The following BLMH variants were observed in gnomAD, a reference collection of about 807,000 sequenced individuals.
BLMH encodes the protein bleomycin hydrolase, also known as BLM hydrolase.
BLMH carries 32 observed loss-of-function variants against 61.6 expected under a neutral mutation model. The ratio of observed to expected loss-of-function variants is 0.52; its 90% CI spans 0.39 to 0.70. The LOEUF (loss-of-function observed/expected upper bound fraction) is 0.70. Among genes scored for constraint, BLMH ranks in the 30% least tolerant of loss-of-function variants. The pLI, the probability that BLMH is intolerant of heterozygous loss-of-function variation, is 0.00. For missense variants in BLMH, 460 were observed against 555.5 expected, an observed-to-expected ratio of 0.83 and a Z score of 1.73; for synonymous variants, 183 against 193.8, an observed-to-expected ratio of 0.94 and a Z score of 0.46.
At chr17:30,260,504 C>T (rs1402138344) in intron 11 of BLMH, among the ~76,000 whole-genome samples, 1 of 152,170 alleles carries the variant, frequency 6.6e-6, no homozygotes, top group African/African-American at 2.4e-5. Context: ...AGAGTATGTG[C>T]TTCCTCTATT....
intron 2 of BLMH, chr17:30,290,860 A>G (rs1053244260): frequency 1.2e-5 from 2 of 160,064 alleles, no homozygotes; most frequent in African/African-American, 2.4e-5. Context: ...TGTAACCAAG[A>G]AGCATATTTA....
intron 11 of BLMH, among the ~76,000 whole-genome samples, chr17:30,260,365 G>A (rs1174809698): frequency 1.3e-5 from 2 of 152,190 alleles, no homozygotes; most frequent in African/African-American, 4.8e-5. Context: ...CATTCAATAT[G>A]AGGAGATTTC....
chr17:30,286,424 T>C (rs1161636661), intron 5 of BLMH, among the ~76,000 whole-genome samples: 3 of 152,246 alleles, frequency 2.0e-5, no homozygotes, highest in African/African-American at 7.2e-5. Flanking sequence ...CACAGCACAC[T>C]CTTTAAGGGA....
intron 7 of BLMH, 65 bp from the exon 8 acceptor site, chr17:30,272,964 T>G: frequency 3.9e-6 from 6 of 1,521,342 alleles, no homozygotes; most frequent in Non-Finnish European, 5.4e-6. Context: ...CACACAGCTC[T>G]CCTCTAGGTT....
At chr17:30,268,866 A>T (rs1212488623) in intron 10 of BLMH, among the ~76,000 whole-genome samples, 1 of 145,708 alleles carries the variant, frequency 6.9e-6, no homozygotes, top group Non-Finnish European at 1.5e-5. Flanking sequence ...GCGAAACCCT[A>T]TCTCTACTAA....
chr17:30,263,134 T>C (rs577951096), intron 11 of BLMH, among the ~76,000 whole-genome samples: 13 of 152,282 alleles, frequency 8.5e-5, no homozygotes, highest in Admixed American at 3.9e-4. Flanking sequence ...GACATGCTAC[T>C]AGAACAGGGA....
At chr17:30,287,227 A>G (rs1018088275) in intron 4 of BLMH, among the ~76,000 whole-genome samples, 1 of 152,074 alleles carries the variant, frequency 6.6e-6, no homozygotes, top group Non-Finnish European at 1.5e-5. Context: ...GGGTCTCACT[A>G]TGTTACCCAG....
chr17:30,289,397 T>C lies in BLMH; in HGVS notation c.297A>G (p.Gln99=), dbSNP rs1021612497. 6.2e-7 allele frequency: 1 copy of C among 1,609,612 alleles called. No individual in the cohort carries two copies. The highest frequency in any genetic ancestry group is 1.3e-5 in the African/African-American group (1 of 74,798). ...KLNIEEFEFS[Q]SYLFFWDKVE... The stretch of plus-strand genomic sequence containing the variant: ...CCTTGTCCCAAAAAAACAGGTAAGA[T>C]TGGCTAAACTCAAATTCTTCAATAT... The change falls in exon 3 of 12, where the codon CAA becomes CAG. Residue 99 remains glutamine, a synonymous_variant. Coordinates refer to ENST00000261714, the MANE Select transcript of BLMH (RefSeq NM_000386.4).
intron 11 of BLMH, among the ~76,000 whole-genome samples, chr17:30,261,488 T>C (rs900256502): frequency 2.6e-5 from 4 of 152,212 alleles, no homozygotes; most frequent in Non-Finnish European, 5.9e-5. Context: ...TATAACAATA[T>C]ACAGTTTGAA....
chr17:30,287,571 T>A (rs1383697776), intron 4 of BLMH, among the ~76,000 whole-genome samples: 2 of 152,236 alleles, frequency 1.3e-5, no homozygotes, highest in South Asian at 4.1e-4. Flanking sequence ...TTAGTTCTCC[T>A]TAATACTACC....
At chr17:30,263,751 C>T (rs982414961) in intron 11 of BLMH, among the ~76,000 whole-genome samples, 1 of 152,202 alleles carries the variant, frequency 6.6e-6, no homozygotes, top group Non-Finnish European at 1.5e-5. Context: ...AAAGCCAGGG[C>T]TGGGCAAAGG....
At chr17:30,291,651 A>C in intron 1 of BLMH, 143 bp from the exon 2 acceptor site, 1 of 1,374,440 alleles carries the variant, frequency 7.3e-7, no homozygotes, top group Admixed American at 2.3e-5. Context: ...ATCCTCCTCC[A>C]AGGAGCTGTC....
At chr17:30,262,007 T>C (rs1280893080) in intron 11 of BLMH, among the ~76,000 whole-genome samples, 2 of 152,210 alleles carry the variant, frequency 1.3e-5, no homozygotes, top group East Asian at 1.9e-4. Context: ...CAATTTCAAA[T>C]GTTCATGTAT....
intron 11 of BLMH, among the ~76,000 whole-genome samples, chr17:30,265,125 C>T (rs1048699195): frequency 2.0e-5 from 3 of 152,170 alleles, no homozygotes; most frequent in African/African-American, 7.2e-5. Context: ...AAGAGAAATG[C>T]AGTAACAGCA....
intron 9 of BLMH, 95 bp from the exon 10 acceptor site, chr17:30,271,483 C>T: frequency 1.2e-6 from 1 of 840,514 alleles, no homozygotes; most frequent in South Asian, 1.4e-5. Flanking sequence ...ACTGAAGGGG[C>T]TCAACAGCTC....
Position 30,249,122 on chromosome 17 carries a change from T to G in BLMH, c.1263A>C (p.Glu421Asp). The G allele has an allele frequency of 6.2e-7, 1 of 1,614,036 alleles. No individual in the cohort carries two copies. Among genetic ancestry groups the G allele is most frequent in the Non-Finnish European group, 8.5e-7 (1 of 1,179,946 alleles). Residue 421 changes from glutamate to aspartate, a missense_variant, in exon 12 of 12, where the codon GAA (glutamate) becomes GAC (aspartate). Physicochemically the swap from Glu to Asp is conservative, Grantham distance 45. Transcript: ENST00000261714. Reference protein sequence around the residue: ...TDEWFSEYVYEVVVDRKHVPE... With the variant: ...TDEWFSEYVYDVVVDRKHVPE... ...GGACATGCTTCCTGTCCACCACCAC[T>G]TCGTAGACATACTCAGAGAACCACT...
intron 5 of BLMH, 97 bp downstream of exon 5, chr17:30,286,717 A>G (rs551609480): frequency 2.3e-5 from 19 of 810,656 alleles, no homozygotes; most frequent in Non-Finnish European, 2.8e-5. Context: ...TATCTTGTAC[A>G]CAAACTGTAT....
chr17:30,255,712 C>T (rs779936411), intron 11 of BLMH, among the ~76,000 whole-genome samples: 3 of 152,134 alleles, frequency 2.0e-5, no homozygotes, highest in Non-Finnish European at 4.4e-5. Context: ...GCCTGGCCAG[C>T]ATGGTAAAAC....
intron 3 of BLMH, among the ~76,000 whole-genome samples, chr17:30,288,976 T>C (rs559428413): frequency 3.4e-4 from 51 of 152,052 alleles, no homozygotes; most frequent in South Asian, 6.2e-4. Context: ...AAAAAATAAA[T>C]AAACAAATAA....
Sources: gnomAD v4.1 joint callset for allele counts (sites outside exome capture counted in the v4.1 genomes callset) on GRCh38, gnomAD v4.1.1 for gene constraint, MANE v1.5 for transcripts, NCBI Gene and HGNC (gene_info 2026-07-23, HGNC 2026-07-21) for gene names.